Variants in LRFN5 observed in about 807,000 individuals in gnomAD.
LRFN5 encodes the protein leucine rich repeat and fibronectin type III domain containing 5, also known as leucine-rich repeat and fibronectin type-III domain-containing protein 5.
In LRFN5, 24 loss-of-function variants were observed where a neutral mutation model predicts 45.6. That is an observed-to-expected ratio of 0.53 (90% confidence interval 0.38 to 0.74). LRFN5 has a LOEUF of 0.74. LRFN5 is among the 30% of genes least tolerant of loss of function. The probability of loss-of-function intolerance (pLI) is 0.00; values close to 1 mark genes in which losing one functional copy is unlikely to be tolerated. For synonymous variants in LRFN5, 340 were observed against 313.8 expected, an observed-to-expected ratio of 1.08 and a Z score of -0.88; for missense variants, 776 against 861.5, an observed-to-expected ratio of 0.90 and a Z score of 1.24.
At chr14:41,778,055 T>A (rs533701784) in intron 2 of LRFN5, among the ~76,000 whole-genome samples, 1 of 151,120 alleles carries the variant, frequency 6.6e-6, no homozygotes, top group Admixed American at 6.6e-5. Flanking sequence ...TTTGAATATC[T>A]CAATATTTGA....
chr14:41,788,482 G>A (rs987969482), intron 2 of LRFN5, among the ~76,000 whole-genome samples: 3 of 152,046 alleles, frequency 2.0e-5, no homozygotes, highest in Non-Finnish European at 4.4e-5. Flanking sequence ...TTGGGAAGAA[G>A]TAGATGCAGG....
At chr14:41,663,503 A>G (rs756234994) in intron 1 of LRFN5, among the ~76,000 whole-genome samples, 1 of 152,082 alleles carries the variant, frequency 6.6e-6, no homozygotes, top group Non-Finnish European at 1.5e-5. Flanking sequence ...CCCTTTGTGT[A>G]AGAATAGAGA....
intron 1 of LRFN5, among the ~76,000 whole-genome samples, chr14:41,694,052 T>A (rs957960512): frequency 1.3e-5 from 2 of 152,154 alleles, no homozygotes; most frequent in African/African-American, 4.8e-5. Flanking sequence ...ATTAATACCA[T>A]GAAATATACC....
At chr14:41,699,443 A>T (rs1023645984) in intron 1 of LRFN5, 5 of 152,142 alleles carry the variant, frequency 3.3e-5, no homozygotes, top group African/African-American at 1.2e-4. Flanking sequence ...AGTGAGAGAT[A>T]GAACAACATG....
chr14:41,645,379 C>T (rs781025998), intron 1 of LRFN5, among the ~76,000 whole-genome samples: 15 of 152,234 alleles, frequency 9.9e-5, no homozygotes, highest in South Asian at 2.1e-4. Context: ...GGATTACAAG[C>T]GTGCACCACC....
chr14:41,682,487 A>T (rs1881946531), intron 1 of LRFN5, among the ~76,000 whole-genome samples: 1 of 152,132 alleles, frequency 6.6e-6, no homozygotes, highest in Admixed American at 6.5e-5. Context: ...CAGAGCAGAA[A>T]TAAATGAAAT....
chr14:41,770,992 C>T (rs752342039), intron 2 of LRFN5, among the ~76,000 whole-genome samples: 3 of 151,912 alleles, frequency 2.0e-5, no homozygotes, highest in African/African-American at 7.3e-5. Context: ...AAGCCCCCTT[C>T]ACGCTTGCAG....
At chr14:41,806,698 T>G (rs547695799) in intron 2 of LRFN5, among the ~76,000 whole-genome samples, 1 of 152,254 alleles carries the variant, frequency 6.6e-6, no homozygotes, top group Admixed American at 6.5e-5. Context: ...TCATTTCAAA[T>G]AAACTGAATT....
chr14:41,790,209 A>G (rs1340807932), intron 2 of LRFN5, among the ~76,000 whole-genome samples: 4 of 151,968 alleles, frequency 2.6e-5, no homozygotes, highest in Non-Finnish European at 5.9e-5. Context: ...GCTAAATTTT[A>G]AAATGTATTG....
chr14:41,849,297 C>A (rs1188318044), intron 2 of LRFN5, among the ~76,000 whole-genome samples: 1 of 152,036 alleles, frequency 6.6e-6, no homozygotes, highest in South Asian at 2.1e-4. Flanking sequence ...AAGATCTTAA[C>A]CCATCCCTAG....
chr14:41,734,404 G>A (rs1266593258), intron 1 of LRFN5, among the ~76,000 whole-genome samples: 1 of 125,810 alleles, frequency 7.9e-6, no homozygotes, highest in Admixed American at 8.8e-5. Context: ...ATGACATAAT[G>A]ACATCATTTT....
intron 2 of LRFN5, among the ~76,000 whole-genome samples, chr14:41,825,874 C>A (rs2139022866): frequency 6.6e-6 from 1 of 152,286 alleles, no homozygotes; most frequent in African/African-American, 2.4e-5. Flanking sequence ...GTTTGGAAAC[C>A]AGCAGCCTGC....
In LRFN5 at chr14:41,647,105, A is replaced by T. The variant is rs114056875; in HGVS notation, c.-197+38543A>T. ...CTAACATTAGCCCCAAGTCTTATCA[A>T]GTTCCCCTGATGTTTATATTGTTGG... On this transcript the variant is annotated intron_variant, in intron 1 of 5. Coordinates refer to ENST00000298119, the MANE Select transcript of LRFN5 (RefSeq NM_152447.5). 5.2e-3 allele frequency among the ~76,000 whole-genome samples: 798 copies of T among 152,318 alleles called. 6 individuals carry two copies. Among genetic ancestry groups the T allele is most frequent in the African/African-American group, 0.018 (749 of 41,582 alleles).
chr14:41,667,400 A>G (rs538492851), intron 1 of LRFN5, among the ~76,000 whole-genome samples: 1 of 152,320 alleles, frequency 6.6e-6, no homozygotes, highest in South Asian at 2.1e-4. Context: ...TGTCTAATAC[A>G]GCAGCCATAG....
chr14:41,736,890 G>C (rs981420273), intron 1 of LRFN5, among the ~76,000 whole-genome samples: 7 of 152,100 alleles, frequency 4.6e-5, no homozygotes, highest in African/African-American at 1.7e-4. Flanking sequence ...CCCAGGACCA[G>C]ACAGATTCAC....
chr14:41,734,316 T>TTATACATATATATATATATATATATA (rs1884316788), intron 1 of LRFN5, among the ~76,000 whole-genome samples: 2 of 38,768 alleles, frequency 5.2e-5, no homozygotes, highest in Non-Finnish European at 1.4e-4. Context: ...TGGACTGGTT[T>TTATACATATATATATATATATATATA]TATATATATA....
chr14:41,892,711 G>A (rs1031483921), intron 4 of LRFN5: 120 of 985,144 alleles, frequency 1.2e-4, no homozygotes, highest in Admixed American at 2.5e-4. Flanking sequence ...CTTGGTGCAG[G>A]TGCCTTAATG....
intron 2 of LRFN5, among the ~76,000 whole-genome samples, chr14:41,833,349 G>C (rs1957863): frequency 3.9e-5 from 6 of 151,914 alleles, no homozygotes; most frequent in African/African-American, 1.2e-4. Context: ...AAATTTCTTC[G>C]TTCTCTGGAT....
At chr14:41,825,824 C>G (rs1037507893) in intron 2 of LRFN5, among the ~76,000 whole-genome samples, 3 of 152,154 alleles carry the variant, frequency 2.0e-5, no homozygotes, top group African/African-American at 7.2e-5. Flanking sequence ...GCCACCCACA[C>G]CAGTGCTTGG....
Sources: allele counts gnomAD v4.1 joint callset (sites outside exome capture counted in the v4.1 genomes callset), GRCh38; gene constraint gnomAD v4.1.1; transcripts MANE v1.5; gene names NCBI Gene and HGNC (gene_info 2026-07-23, HGNC 2026-07-21).